Variants in SAR1A observed in about 807,000 individuals in gnomAD.
The protein encoded by SAR1A is secretion associated Ras related GTPase 1A, also known as small COPII coat GTPase SAR1A.
Under a neutral mutation model 22.6 loss-of-function variants are expected in SAR1A, and 6 were observed. That is an observed-to-expected ratio of 0.27 (90% CI 0.15 to 0.52). The LOEUF (loss-of-function observed/expected upper bound fraction) is 0.52, where lower values mean the gene tolerates loss of function less well. SAR1A is among the 20% of genes least tolerant of loss of function. The probability of loss-of-function intolerance (pLI) is 0.96; values close to 1 mark genes in which losing one functional copy is unlikely to be tolerated. For synonymous variants in SAR1A, 70 were observed against 82.2 expected (o/e 0.85, Z 0.80); for missense variants, 145 against 245.1 (o/e 0.59, Z 2.73).
At chr10:70,167,382 G>C (rs1839567405) in intron 1 of SAR1A, 1 of 151,936 alleles carries the variant, frequency 6.6e-6, no homozygotes, top group African/African-American at 2.4e-5. Flanking sequence ...TTCATGAACA[G>C]TAACCAGTAA....
At chr10:70,170,313 A>ACCCCC (rs964873806) in intron 1 of SAR1A, 100 bp downstream of exon 1, 1 of 91,646 alleles carries the variant, frequency 1.1e-5, no homozygotes, top group Non-Finnish European at 2.0e-5. Flanking sequence ...CTTCCCCCCC[A>ACCCCC]CCCAACCCCG....
intron 1 of SAR1A, among the ~76,000 whole-genome samples, chr10:70,165,061 C>T (rs963575959): frequency 7.9e-5 from 12 of 151,936 alleles, no homozygotes; most frequent in Non-Finnish European, 1.0e-4. Context: ...GTCAGGAGAT[C>T]GAGACCATCC....
chr10:70,161,021 A>G lies in SAR1A; in HGVS notation c.227T>C (p.Leu76Pro). The change falls in exon 4 of 7, where the codon CTT becomes CCT. Residue 76 changes from leucine (L) to proline (P), a missense_variant. Physicochemically the swap from Leu to Pro is moderately conservative, Grantham distance 98. Coordinates refer to ENST00000373241, the MANE Select transcript of SAR1A (RefSeq NM_020150.5). ...TCACTTACCTTGCTCGTGCCCACCA[A>G]GATCAAAAGTTGTAAAGGTCATTCC... ...IAGMTFTTFD[L>P]GGHEQARRVW... is the part of the protein sequence containing the mutation. The G allele has an allele frequency of 6.2e-7, 1 of 1,613,148 alleles. No homozygotes were observed. The highest frequency in any genetic ancestry group is 8.5e-7 in the Non-Finnish European group (1 of 1,179,424).
rs2136716221 is a variant in SAR1A, at chr10:70,160,989, T to C, written c.244+15A>G. The C allele has an allele frequency of 3.7e-6, 6 of 1,600,702 alleles. No homozygotes were observed. Among genetic ancestry groups the C allele is most frequent in the East Asian group, 2.2e-5 (1 of 44,544 alleles). On this transcript the variant is annotated intron_variant, in intron 4 of 6. Transcript: ENST00000373241. ...ATAAGTCAATAAACATGCTTTCCAC[T>C]GAGTCATCACTTACCTTGCTCGTGC...
chr10:70,154,399 T>C (rs767806303), intron 5 of SAR1A, among the ~76,000 whole-genome samples: 3 of 152,124 alleles, frequency 2.0e-5, no homozygotes, highest in Non-Finnish European at 4.4e-5. Context: ...CTCTCAGGCA[T>C]TGAGAGGAAT....
chr10:70,152,500 G>A lies in SAR1A; in HGVS notation c.573C>T (p.Arg191=), dbSNP rs377496291. 5.6e-6 allele frequency: 9 copies of A among 1,613,574 alleles called. No homozygotes were observed. The highest frequency in any genetic ancestry group is 7.6e-6 in the Non-Finnish European group (9 of 1,179,608). The change falls in exon 7 of 7, where the codon CGC becomes CGT. Residue 191 remains arginine (R), a synonymous_variant. Coordinates refer to ENST00000373241, the MANE Select transcript of SAR1A (RefSeq NM_020150.5). The part of the protein sequence containing the change: ...LKRQGYGEGF[R]WLSQYID ...ATCAGTCAATATACTGGGAGAGCCAGCGGAAACCCTCGCCGTAACCTTGCC... is the reference window on the plus strand; with the variant it reads ...ATCAGTCAATATACTGGGAGAGCCAACGGAAACCCTCGCCGTAACCTTGCC...
rs146149526 is a variant in SAR1A at position 70,166,303 on chromosome 10, C to T, written c.-17+4110G>A. On this transcript the variant is annotated intron_variant, in intron 1 of 6. Transcript: ENST00000373241. ...CTCCAGGCAGCGGTTCATTCACATT[C>T]CCTAGACATACGACTGCTGTCATCC... Among the ~76,000 whole-genome samples, 1,277 of 152,298 alleles carry T rather than the reference C, an allele frequency of 8.4e-3. 21 individuals are homozygous for T. The highest frequency in any genetic ancestry group is 0.027 in the African/African-American group (1,120 of 41,564).
At chr10:70,164,200 G>T in intron 1 of SAR1A, 1 of 609,044 alleles carries the variant, frequency 1.6e-6, no homozygotes, top group Non-Finnish European at 3.0e-6. Context: ...TAACTTATCT[G>T]TAAAAGGCTT....
chr10:70,156,317 A>C (rs1839385867), intron 5 of SAR1A, among the ~76,000 whole-genome samples: 1 of 152,208 alleles, frequency 6.6e-6, no homozygotes, highest in African/African-American at 2.4e-5. Flanking sequence ...AAGAGACAGA[A>C]GTATCAGCCA....
chr10:70,152,494 G>C lies in SAR1A; in HGVS notation c.579C>G (p.Leu193=). The change falls in exon 7 of 7, where the codon CTC becomes CTG. Residue 193 remains leucine, a synonymous_variant. Transcript: ENST00000373241. The part of the protein sequence containing the change: ...RQGYGEGFRW[L]SQYID Reference sequence around the variant, plus strand: ...CCAAACATCAGTCAATATACTGGGAGAGCCAGCGGAAACCCTCGCCGTAAC... The same window carrying C: ...CCAAACATCAGTCAATATACTGGGACAGCCAGCGGAAACCCTCGCCGTAAC... The C allele has an allele frequency of 1.2e-6, 2 of 1,612,896 alleles. No individual in the cohort carries two copies. The highest frequency in any genetic ancestry group is 1.7e-6 in the Non-Finnish European group (2 of 1,178,874).
intron 1 of SAR1A, 139 bp downstream of exon 1, chr10:70,170,274 C>G (rs55787486): frequency 0.027 from 4,105 of 151,166 alleles, 90 homozygotes; most frequent in East Asian, 0.054. Context: ...GAATCAGCCC[C>G]GCGGCCCCAC....
Position 70,152,043 on chromosome 10 carries a change from A to T in SAR1A, c.*433T>A, listed in dbSNP as rs1419201184. The T allele has an allele frequency of 2.0e-5, 3 of 151,516 alleles. No homozygotes were observed. The highest frequency in any genetic ancestry group is 6.7e-5 in the Admixed American group (1 of 14,874). The allele number at this position is 151,516 out of a possible 1,614,324, so 9.4% of individuals were successfully genotyped here. A position where few individuals can be genotyped will look rare whatever the true frequency, so the allele number is the denominator to read the frequency against. On this transcript the variant is annotated 3_prime_UTR_variant, in exon 7 of 7. Transcript: ENST00000373241. ...GTATCTAAATGTCATTCATTAGTTT[A>T]AAAAAAAAAAAGAATAGAAAACTCT...
intron 1 of SAR1A, among the ~76,000 whole-genome samples, chr10:70,165,768 G>A (rs562355539): frequency 6.6e-6 from 1 of 152,340 alleles, no homozygotes; most frequent in Admixed American, 6.5e-5. Flanking sequence ...CAGCAGCAGG[G>A]TTTAAGAGGA....
chr10:70,158,689 G>A (rs961851053), intron 4 of SAR1A, among the ~76,000 whole-genome samples: 31 of 143,354 alleles, frequency 2.2e-4, no homozygotes, highest in African/African-American at 8.4e-4. Context: ...TTTACTTTCC[G>A]TAGTTCTATA....
rs1839514403 is a variant in SAR1A at position 70,164,152 on chromosome 10, A to C, written c.-16-2221T>G. ...TGAAGACCTTGTACAGAATGTGTTA[A>C]ATTTCTTGCACAAAACTGTTTATTT... On this transcript the variant is annotated intron_variant, in intron 1 of 6. Coordinates refer to ENST00000373241, the MANE Select transcript of SAR1A (RefSeq NM_020150.5). 1.8e-5 allele frequency: 12 copies of C among 683,386 alleles called. No homozygotes were observed. In the South Asian group the frequency reaches 1.9e-4, roughly 11 times the overall value. 42.3% of individuals were successfully genotyped at this position (683,386 alleles called of 1,614,324 possible).
intron 1 of SAR1A, chr10:70,162,729 T>G (rs1208183378): frequency 6.6e-6 from 1 of 152,126 alleles, no homozygotes; most frequent in Admixed American, 6.5e-5. Context: ...GGTTTTCTGG[T>G]TTTTTTACAA....
At position 70,147,396 on chromosome 10, in the gene SAR1A, G is replaced by C. The variant is rs1250353404; in HGVS notation, c.*5080C>G. On this transcript the variant is annotated 3_prime_UTR_variant, in exon 7 of 7. Transcript: ENST00000373241. Reference sequence around the variant, plus strand: ...CTAGGCCAGGGTCCAAATACTTTCTGTAGAAGGCCAGAATGGAAACAGTTC... The same window carrying C: ...CTAGGCCAGGGTCCAAATACTTTCTCTAGAAGGCCAGAATGGAAACAGTTC... 1 of 152,156 alleles carries C rather than the reference G, an allele frequency of 6.6e-6. No individual in the cohort carries two copies. Among genetic ancestry groups the C allele is most frequent in the African/African-American group, 2.4e-5 (1 of 41,416 alleles). 9.4% of individuals were successfully genotyped at this position (152,156 alleles called of 1,614,324 possible).
At chr10:70,166,739 C>T (rs1839556839) in intron 1 of SAR1A, 1 of 150,154 alleles carries the variant, frequency 6.7e-6, no homozygotes, top group South Asian at 2.1e-4. Context: ...GTAATCCCAG[C>T]ATTTTGCAAG....
rs1273686169 is a variant in SAR1A, at chr10:70,149,745, GGGTTTCACC to G, written c.*2722_*2730del. The G allele has an allele frequency of 3.3e-5, 5 of 151,244 alleles. No individual in the cohort carries two copies. The highest frequency in any genetic ancestry group is 1.2e-4 in the African/African-American group (5 of 41,086). 9.4% of individuals were successfully genotyped at this position (151,244 alleles called of 1,614,324 possible). A position where few individuals can be genotyped will look rare whatever the true frequency, so the allele number is the denominator to read the frequency against. On this transcript the variant is annotated 3_prime_UTR_variant, in exon 7 of 7. Coordinates refer to ENST00000373241, the MANE Select transcript of SAR1A (RefSeq NM_020150.5). ...ATTTTTTTGTATTTTAGTAGTGATGGGGTTTCACCCTGTTCCCCAGGCTGGTCTCAAACT... is the reference window on the plus strand; with the variant it reads ...ATTTTTTTGTATTTTAGTAGTGATGGCTGTTCCCCAGGCTGGTCTCAAACT...
Sources: gnomAD v4.1 joint callset for allele counts (sites outside exome capture counted in the v4.1 genomes callset) on GRCh38, gnomAD v4.1.1 for gene constraint, MANE v1.5 for transcripts, NCBI Gene and HGNC (gene_info 2026-07-23, HGNC 2026-07-21) for gene names.